The following CYB5R4 variants were observed in gnomAD, a reference collection of about 807,000 sequenced individuals.
CYB5R4 encodes cytochrome b5 reductase 4.
In CYB5R4, 55 loss-of-function variants were observed where a neutral mutation model predicts 70.2. The observed-to-expected ratio is 0.78, with a 90% CI of 0.63 to 0.98. The LOEUF (loss-of-function observed/expected upper bound fraction) is 0.98, where lower values mean the gene tolerates loss of function less well. Among genes scored for constraint, CYB5R4 ranks in the 50% least tolerant of loss-of-function variants. CYB5R4 has a pLI of 0.00. For synonymous variants in CYB5R4, 197 were observed against 199.5 expected (o/e 0.99, Z 0.11); for missense variants, 562 against 612.6 (o/e 0.92, Z 0.87).
At chr6:83,880,489 T>C (rs900265198) in intron 2 of CYB5R4, among the ~76,000 whole-genome samples, 6 of 148,154 alleles carry the variant, frequency 4.0e-5, no homozygotes, top group African/African-American at 1.5e-4. Flanking sequence ...GGGAAACTGA[T>C]TTTTTTTTTT....
intron 8 of CYB5R4, 74 bp downstream of exon 8, chr6:83,921,249 T>G: frequency 8.1e-7 from 1 of 1,233,502 alleles, no homozygotes; most frequent in African/African-American, 1.6e-5. Context: ...GTCTACAGTC[T>G]AGGTAACTGT....
At chr6:83,881,879 C>T (rs763914600) in intron 2 of CYB5R4, among the ~76,000 whole-genome samples, 1 of 152,170 alleles carries the variant, frequency 6.6e-6, no homozygotes, top group Admixed American at 6.5e-5. Context: ...TATACCGATA[C>T]CACATTTACT....
intron 14 of CYB5R4, among the ~76,000 whole-genome samples, chr6:83,943,470 A>T (rs897522755): frequency 6.6e-6 from 1 of 152,182 alleles, no homozygotes; most frequent in Non-Finnish European, 1.5e-5. Flanking sequence ...GGTCACCAAC[A>T]GCAAAGACCA....
intron 2 of CYB5R4, among the ~76,000 whole-genome samples, chr6:83,877,235 G>T (rs2099458709): frequency 1.3e-5 from 2 of 152,030 alleles, no homozygotes; most frequent in African/African-American, 4.8e-5. Context: ...TTGTCATTGA[G>T]CATACATTTC....
At chr6:83,904,993 T>G (rs987589104) in intron 3 of CYB5R4, among the ~76,000 whole-genome samples, 1 of 152,152 alleles carries the variant, frequency 6.6e-6, no homozygotes, top group Admixed American at 6.6e-5. Flanking sequence ...TATGTTGATA[T>G]TGCACATCTG....
intron 2 of CYB5R4, among the ~76,000 whole-genome samples, chr6:83,874,356 A>C: frequency 6.6e-6 from 1 of 150,428 alleles, no homozygotes; most frequent in Admixed American, 6.6e-5. Context: ...ATACCTGGCT[A>C]CTTTTTTAAA....
At chr6:83,903,045 TC>T (rs1446881157) in intron 3 of CYB5R4, among the ~76,000 whole-genome samples, 1 of 152,130 alleles carries the variant, frequency 6.6e-6, no homozygotes, top group Non-Finnish European at 1.5e-5. Flanking sequence ...GTCTAGAACT[TC>T]CAGTACTGTA....
intron 2 of CYB5R4, among the ~76,000 whole-genome samples, chr6:83,888,596 C>T (rs762093936): frequency 2.0e-5 from 3 of 152,134 alleles, no homozygotes; most frequent in Admixed American, 1.3e-4. Context: ...GTTCTCACTA[C>T]TCCCCTGACT....
rs1018396311 is a variant in CYB5R4, at chr6:83,923,088, G to A, written c.691+618G>A. Among the ~76,000 whole-genome samples, 17 of 137,694 alleles carry A rather than the reference G, an allele frequency of 1.2e-4. 1 individual carries two copies. The highest frequency in any genetic ancestry group is 6.1e-4 in the Admixed American group (8 of 13,118). The allele number at this position is 137,694 out of a possible 152,430, so 90.3% of individuals were successfully genotyped here. On this transcript the variant is annotated intron_variant, in intron 9 of 15. Coordinates refer to ENST00000369681, the MANE Select transcript of CYB5R4 (RefSeq NM_016230.4). ...GTCTCCTTTTTATTCTTCATTCCTC[G>A]TATCTGCCCTACTCCTGACATGCAG...
intron 10 of CYB5R4, 66 bp from the exon 11 acceptor site, chr6:83,934,529 C>A: frequency 1.7e-6 from 2 of 1,201,424 alleles, no homozygotes; most frequent in South Asian, 1.5e-5. Flanking sequence ...TATGCTTTCT[C>A]TTAGTGGTTT....
chr6:83,889,421 G>A (rs772749779), intron 2 of CYB5R4, among the ~76,000 whole-genome samples: 40 of 152,132 alleles, frequency 2.6e-4, no homozygotes, highest in Middle Eastern at 3.4e-3. Flanking sequence ...AGAATCCTAG[G>A]GCCCTAGAGA....
intron 12 of CYB5R4, 107 bp downstream of exon 12, chr6:83,936,483 G>A (rs1480674310): frequency 1.1e-5 from 10 of 945,100 alleles, no homozygotes; most frequent in Non-Finnish European, 1.6e-5. Context: ...AACTCAACAT[G>A]TCTACAACCA....
intron 2 of CYB5R4, among the ~76,000 whole-genome samples, chr6:83,886,605 A>C (rs2099460287): frequency 6.6e-6 from 1 of 152,182 alleles, no homozygotes; most frequent in East Asian, 1.9e-4. Flanking sequence ...AAGGTAGACT[A>C]GTGGTTACCT....
chr6:83,888,544 C>T (rs1022837089), intron 2 of CYB5R4, among the ~76,000 whole-genome samples: 11 of 151,992 alleles, frequency 7.2e-5, no homozygotes, highest in African/African-American at 2.2e-4. Flanking sequence ...TGCCACAAAT[C>T]GAGCCCATAT....
In CYB5R4 at chr6:83,916,842, A is replaced by G. The variant is rs145359126; in HGVS notation, c.446-1163A>G. On this transcript the variant is annotated intron_variant, in intron 5 of 15. Transcript: ENST00000369681. ...TGTCTTGTCCCAAAGGTGTCTTGCA[A>G]CTCTTAAATTTATATCAAATACTTT... Among the ~76,000 whole-genome samples the G allele has an allele frequency of 2.2e-3, 331 of 152,256 alleles. 2 individuals are homozygous for G. The highest frequency in any genetic ancestry group is 7.5e-3 in the African/African-American group (313 of 41,554).
intron 15 of CYB5R4, among the ~76,000 whole-genome samples, chr6:83,958,223 T>C (rs1227138672): frequency 2.0e-5 from 3 of 152,232 alleles, no homozygotes; most frequent in Non-Finnish European, 4.4e-5. Flanking sequence ...ATCCATTAAA[T>C]ATGTACTTTA....
At chr6:83,915,443 G>C (rs2099465357) in intron 5 of CYB5R4, among the ~76,000 whole-genome samples, 1 of 152,272 alleles carries the variant, frequency 6.6e-6, no homozygotes, top group South Asian at 2.1e-4. Context: ...TATTAAATGA[G>C]GGACTGATCT....
Position 83,924,498 on chromosome 6 carries a change from A to G in CYB5R4, c.720A>G (p.Ile240Met), listed in dbSNP as rs748201776. 6.2e-7 allele frequency: 1 copy of G among 1,613,692 alleles called. No individual in the cohort carries two copies. Among genetic ancestry groups the G allele is most frequent in the Non-Finnish European group, 8.5e-7 (1 of 1,179,728 alleles). ...SVRVVESVGK[I>M]EIVLQKKENT... ...GGGTTGTTGAGAGTGTGGGAAAAAT[A>G]GAGATTGTTCTACAAAAAAAAGAGA... Residue 240 changes from isoleucine (I) to methionine (M), a missense_variant, in exon 10 of 16, where the codon ATA becomes ATG. Transcript: ENST00000369681.
rs143570792 is a variant in CYB5R4 at position 83,936,353 on chromosome 6, C to G, written c.1085C>G (p.Pro362Arg). The change falls in exon 12 of 16, where the codon CCA becomes CGA. Residue 362 changes from proline to arginine, a missense_variant. Coordinates refer to ENST00000369681, the MANE Select transcript of CYB5R4 (RefSeq NM_016230.4). ...IKIYPTGLFT[P>R]ELDRLQIGDF... is the part of the protein sequence containing the mutation. ...ATCTATCCCACTGGACTCTTCACAC[C>G]AGAGCTTGATCGTCTTCAGATTGGT... 34 of 1,611,156 alleles carry G rather than the reference C, an allele frequency of 2.1e-5. No homozygotes were observed. Among genetic ancestry groups the G allele is most frequent in the Non-Finnish European group, 2.9e-5 (34 of 1,179,194 alleles).
Sources: allele counts gnomAD v4.1 joint callset (sites outside exome capture counted in the v4.1 genomes callset), GRCh38; gene constraint gnomAD v4.1.1; transcripts MANE v1.5; gene names NCBI Gene and HGNC (gene_info 2026-07-23, HGNC 2026-07-21).